Variants in HERC4 observed in about 807,000 individuals in gnomAD.
HERC4 encodes probable E3 ubiquitin-protein ligase HERC4.
HERC4 carries 28 observed loss-of-function variants against 124.3 expected under a neutral mutation model. The observed-to-expected ratio is 0.23, with a 90% CI of 0.17 to 0.31. The LOEUF (loss-of-function observed/expected upper bound fraction) is 0.31, where lower values mean the gene tolerates loss of function less well. Ranked by LOEUF, HERC4 falls within the 10% of genes least tolerant of loss-of-function variation. The pLI, the probability that HERC4 is intolerant of heterozygous loss-of-function variation, is 1.00. For synonymous variants in HERC4, 407 were observed against 421.5 expected (o/e 0.97, Z 0.42); for missense variants, 713 against 1,229.3 (o/e 0.58, Z 6.28).
chr10:68,045,323 T>C (rs2039967171), intron 3 of HERC4, among the ~76,000 whole-genome samples: 1 of 152,072 alleles, frequency 6.6e-6, no homozygotes. Context: ...CCAGACCGTG[T>C]CTCAAGATAA....
chr10:67,949,544 T>C (rs549677972), intron 19 of HERC4, among the ~76,000 whole-genome samples: 7 of 152,242 alleles, frequency 4.6e-5, no homozygotes, highest in African/African-American at 7.2e-5. Context: ...CTTATGACTA[T>C]AGATGTGAAA....
intron 3 of HERC4, chr10:68,070,084 GAA>G: frequency 1.0e-6 from 1 of 984,658 alleles, no homozygotes; most frequent in Non-Finnish European, 1.2e-6. Context: ...AACCTCCTGG[GAA>G]ATGAACTATG....
At chr10:68,018,097 T>A (rs2038376201) in intron 8 of HERC4, among the ~76,000 whole-genome samples, 1 of 151,788 alleles carries the variant, frequency 6.6e-6, no homozygotes, top group South Asian at 2.1e-4. Context: ...AAATTATAGA[T>A]CAAGTTCACT....
chr10:68,004,861 C>T (rs982482881), intron 9 of HERC4, among the ~76,000 whole-genome samples: 1 of 152,138 alleles, frequency 6.6e-6, no homozygotes, highest in African/African-American at 2.4e-5. Context: ...TCCATGATTC[C>T]ATTACCTCCA....
intron 7 of HERC4, among the ~76,000 whole-genome samples, chr10:68,030,913 T>C (rs1393842064): frequency 6.6e-6 from 1 of 152,234 alleles, no homozygotes; most frequent in Non-Finnish European, 1.5e-5. Context: ...TCTTTCCTAA[T>C]GCAGTTTTCC....
intron 21 of HERC4, among the ~76,000 whole-genome samples, chr10:67,936,972 CAG>C (rs933425384): frequency 1.3e-5 from 2 of 151,746 alleles, no homozygotes; most frequent in Non-Finnish European, 2.9e-5. Flanking sequence ...ATTTATAAGA[CAG>C]AGATGAATAA....
intron 9 of HERC4, among the ~76,000 whole-genome samples, chr10:67,998,711 C>T (rs560091665): frequency 6.6e-6 from 1 of 152,256 alleles, no homozygotes; most frequent in East Asian, 1.9e-4. Context: ...CAGTAGTTCT[C>T]AAAAGGGGAT....
chr10:67,944,304 TA>T lies in HERC4; in HGVS notation c.2338-3200del, dbSNP rs2033154338. ...AAAGAGAATAAGAGTCTCTGCCTGA[TA>T]ATCCAGAGGATTCTTCCAAATCTTA... On this transcript the variant is annotated intron_variant, in intron 19 of 24. Transcript: ENST00000373700. Among the ~76,000 whole-genome samples the T allele has an allele frequency of 7.2e-5, 11 of 152,254 alleles. No homozygotes were observed. The South Asian group carries it at 1.9e-3, about 26-fold the overall frequency.
At position 68,014,156 on chromosome 10, in the gene HERC4, T is replaced by C. The variant is rs150637753; in HGVS notation, c.939A>G (p.Ser313=). The C allele has an allele frequency of 1.8e-4, 290 of 1,612,380 alleles. 1 individual carries two copies. In the East Asian group the frequency reaches 5.7e-3, roughly 32 times the overall value. The part of the protein sequence containing the change: ...RQHTSAFVPS[S]GRIYSFGLGG... ...CAAGCCCAAAAGAGTAAATTCGTCC[T>C]GATGAAGGAACAAAAGCAGAAGTGT... Residue 313 remains serine (S), a synonymous_variant, in exon 9 of 25, where the codon TCA becomes TCG. Transcript: ENST00000373700.
intron 22 of HERC4, among the ~76,000 whole-genome samples, chr10:67,935,008 C>T (rs1347052866): frequency 1.3e-5 from 2 of 150,218 alleles, no homozygotes; most frequent in Admixed American, 6.6e-5. Context: ...CTGGATGTCA[C>T]GCATCATTCT....
intron 15 of HERC4, among the ~76,000 whole-genome samples, chr10:67,976,170 C>G (rs951049065): frequency 6.6e-6 from 1 of 152,054 alleles, no homozygotes; most frequent in Non-Finnish European, 1.5e-5. Context: ...CTATCTGGTC[C>G]TTTACAGAAA....
intron 3 of HERC4, chr10:68,069,546 T>G: frequency 1.0e-6 from 1 of 985,424 alleles, no homozygotes; most frequent in Non-Finnish European, 1.2e-6. Context: ...AGGCCACAGG[T>G]TAAATCTATT....
chr10:68,044,451 A>G lies in HERC4; in HGVS notation c.339T>C (p.Asp113=). The change falls in exon 4 of 25, where the codon GAT becomes GAC. Residue 113 remains aspartate, a synonymous_variant. Coordinates refer to ENST00000373700, the MANE Select transcript of HERC4 (RefSeq NM_015601.4). ...CTGATCCTACCAGGCCAAGCTGTCC[A>G]TCAGAATCGAGACCCCAAGCATACA... ...GQVYAWGLDS[D]GQLGLVGSEE... 1.2e-6 allele frequency: 2 copies of G among 1,614,142 alleles called. No individual in the cohort carries two copies. Among genetic ancestry groups the G allele is most frequent in the East Asian group, 2.2e-5 (1 of 44,870 alleles).
Position 68,044,475 on chromosome 10 carries a change from C to T in HERC4, c.315G>A (p.Val105=), listed in dbSNP as rs1385104450. Residue 105 remains valine (V), a synonymous_variant, in exon 4 of 25, where the codon GTG becomes GTA. Transcript: ENST00000373700. ...CATCAGAATCGAGACCCCAAGCATA[C>T]ACCTGGCCTTTGTCATTTAGCGCTA... is the stretch of plus-strand genomic sequence containing the variant. The part of the protein sequence containing the change: ...HTLALNDKGQ[V]YAWGLDSDGQ... 1.9e-6 allele frequency: 3 copies of T among 1,614,148 alleles called. No homozygotes were observed. Among genetic ancestry groups the T allele is most frequent in the South Asian group, 2.2e-5 (2 of 91,086 alleles).
chr10:67,998,437 C>T (rs1009932669), intron 9 of HERC4, among the ~76,000 whole-genome samples: 12 of 151,008 alleles, frequency 7.9e-5, no homozygotes, highest in African/African-American at 2.9e-4. Context: ...ATTCCAGCTA[C>T]TCAGGAGGCT....
chr10:68,006,605 T>C (rs1255795550), intron 9 of HERC4, among the ~76,000 whole-genome samples: 1 of 152,086 alleles, frequency 6.6e-6, no homozygotes, highest in Non-Finnish European at 1.5e-5. Flanking sequence ...CTCAAACTCC[T>C]GACCTCAGGT....
At chr10:67,982,570 A>G (rs1486346459) in intron 15 of HERC4, among the ~76,000 whole-genome samples, 1 of 152,144 alleles carries the variant, frequency 6.6e-6, no homozygotes, top group East Asian at 1.9e-4. Context: ...TCTGGGCAAA[A>G]ATTTCCTAAT....
intron 15 of HERC4, 58 bp downstream of exon 15, chr10:67,988,605 G>T: frequency 9.3e-7 from 1 of 1,079,572 alleles, no homozygotes; most frequent in Non-Finnish European, 1.3e-6. Context: ...AAAATGAACA[G>T]TATCAATCTG....
intron 19 of HERC4, among the ~76,000 whole-genome samples, chr10:67,943,607 C>T (rs2033095916): frequency 6.6e-6 from 1 of 152,110 alleles, no homozygotes; most frequent in Admixed American, 6.6e-5. Flanking sequence ...AGTCCTTTGC[C>T]TTTTTGGAGA....
Sources: gnomAD v4.1 joint callset for allele counts (sites outside exome capture counted in the v4.1 genomes callset) on GRCh38, gnomAD v4.1.1 for gene constraint, MANE v1.5 for transcripts, NCBI Gene and HGNC (gene_info 2026-07-23, HGNC 2026-07-21) for gene names.